The following SLC39A12 variants were observed in gnomAD, a reference collection of about 807,000 sequenced individuals.
SLC39A12 encodes the protein zinc transporter ZIP12.
In SLC39A12, 63 loss-of-function variants were observed where a neutral mutation model predicts 71.1. The ratio of observed to expected loss-of-function variants is 0.89; its 90% CI spans 0.72 to 1.09. The LOEUF is 1.09. SLC39A12 is among the 50% of genes least tolerant of loss of function. The pLI is 0.00. For missense variants in SLC39A12, 892 were observed against 812.6 expected (o/e 1.10, Z -1.19); for synonymous variants, 351 against 301.3 (o/e 1.16, Z -1.71).
chr10:18,003,399 GA>G, intron 12 of SLC39A12, 41 bp downstream of exon 12: 1 of 1,546,630 alleles, frequency 6.5e-7, no homozygotes, highest in Non-Finnish European at 8.7e-7. Flanking sequence ...TCTAAGCACT[GA>G]AAATGTAAAA....
At chr10:17,967,210 G>T (rs1031796580) in intron 4 of SLC39A12, among the ~76,000 whole-genome samples, 1 of 152,030 alleles carries the variant, frequency 6.6e-6, no homozygotes, top group African/African-American at 2.4e-5. Context: ...CATCTATCAC[G>T]CATTTCTATG....
chr10:18,003,494 T>C (rs1835894973), intron 12 of SLC39A12, 136 bp downstream of exon 12: 1 of 759,568 alleles, frequency 1.3e-6, no homozygotes, highest in African/African-American at 1.8e-5. Context: ...TAAGGAATAT[T>C]CTTTGTACTC....
chr10:18,035,967 A>G (rs1256507598), intron 12 of SLC39A12, among the ~76,000 whole-genome samples: 2 of 152,164 alleles, frequency 1.3e-5, no homozygotes, highest in Non-Finnish European at 2.9e-5. Context: ...CTCGGGGGTC[A>G]GGGGTCAGGG....
At chr10:17,958,940 A>G (rs1260426709) in intron 2 of SLC39A12, among the ~76,000 whole-genome samples, 9 of 152,160 alleles carry the variant, frequency 5.9e-5, no homozygotes, top group African/African-American at 2.2e-4. Flanking sequence ...TAAAAAATTC[A>G]TTACTTTATG....
At chr10:18,039,777 A>T (rs1183529217) in intron 12 of SLC39A12, among the ~76,000 whole-genome samples, 1 of 152,210 alleles carries the variant, frequency 6.6e-6, no homozygotes, top group Non-Finnish European at 1.5e-5. Flanking sequence ...TACCTTGTTA[A>T]TCCCTCAAGA....
chr10:17,961,883 A>G, intron 3 of SLC39A12, 21 bp downstream of exon 3: 1 of 1,602,900 alleles, frequency 6.2e-7, no homozygotes, highest in Non-Finnish European at 8.5e-7. Flanking sequence ...AAAATTGCTA[A>G]CTGGCTCTGC....
At chr10:18,017,964 T>A (rs1836430231) in intron 12 of SLC39A12, among the ~76,000 whole-genome samples, 1 of 152,198 alleles carries the variant, frequency 6.6e-6, no homozygotes, top group Non-Finnish European at 1.5e-5. Flanking sequence ...AATCTATACA[T>A]CAAATTGGAA....
intron 12 of SLC39A12, among the ~76,000 whole-genome samples, chr10:18,017,719 T>C (rs1391710443): frequency 1.3e-5 from 2 of 152,252 alleles, no homozygotes; most frequent in African/African-American, 4.8e-5. Context: ...TTCTGGACTC[T>C]GTTATATGCC....
At chr10:17,962,274 AT>A (rs1395969252) in intron 3 of SLC39A12, among the ~76,000 whole-genome samples, 1 of 152,190 alleles carries the variant, frequency 6.6e-6, no homozygotes, top group Non-Finnish European at 1.5e-5. Flanking sequence ...AAAGTGATAA[AT>A]TATCATTAGT....
At chr10:17,978,261 A>G (rs887849731) in intron 5 of SLC39A12, among the ~76,000 whole-genome samples, 187 bp downstream of exon 5, 1 of 152,224 alleles carries the variant, frequency 6.6e-6, no homozygotes, top group African/African-American at 2.4e-5. Flanking sequence ...AGACATAAAA[A>G]CAAAGCCAAG....
chr10:17,992,799 A>T (rs942965005), intron 8 of SLC39A12, among the ~76,000 whole-genome samples: 1 of 152,210 alleles, frequency 6.6e-6, no homozygotes, highest in African/African-American at 2.4e-5. Flanking sequence ...AAATAAAAGG[A>T]ATACGTATGT....
intron 6 of SLC39A12, 81 bp downstream of exon 6, chr10:17,981,564 T>C (rs1835260800): frequency 9.8e-6 from 11 of 1,126,370 alleles, no homozygotes; most frequent in South Asian, 1.8e-5. Context: ...ACTTACTATA[T>C]ACCAGGCTCT....
Position 17,952,791 on chromosome 10 carries a change from AC to A in SLC39A12, c.-86-399del, listed in dbSNP as rs546059312. On this transcript the variant is annotated intron_variant, in intron 1 of 12. Coordinates refer to ENST00000377369, the MANE Select transcript of SLC39A12 (RefSeq NM_001145195.2). ...TGTGAGCTACCGCGCCTGGCCTAAAACTTTTAAACTCAACATGATGTTGGTC... is the reference window on the plus strand; with the variant it reads ...TGTGAGCTACCGCGCCTGGCCTAAAATTTTAAACTCAACATGATGTTGGTC... Among the ~76,000 whole-genome samples, 427 of 152,188 alleles carry A rather than the reference AC, an allele frequency of 2.8e-3. 3 individuals carry two copies. The highest frequency in any genetic ancestry group is 1.0e-2 in the African/African-American group (414 of 41,526).
intron 3 of SLC39A12, among the ~76,000 whole-genome samples, chr10:17,964,539 G>A (rs1834773139): frequency 6.6e-6 from 1 of 152,192 alleles, no homozygotes; most frequent in South Asian, 2.1e-4. Context: ...GCACTCAAAT[G>A]TCTGAATGGG....
chr10:17,977,675 A>G (rs1337239070), intron 4 of SLC39A12, among the ~76,000 whole-genome samples: 1 of 152,232 alleles, frequency 6.6e-6, no homozygotes, highest in Non-Finnish European at 1.5e-5. Flanking sequence ...TAATTTCCTA[A>G]GGATTAGGCC....
chr10:17,964,839 G>C (rs1375325821), intron 3 of SLC39A12, among the ~76,000 whole-genome samples: 1 of 152,166 alleles, frequency 6.6e-6, no homozygotes, highest in African/African-American at 2.4e-5. Flanking sequence ...AAAGCGGGGA[G>C]AGAAACAACC....
intron 4 of SLC39A12, among the ~76,000 whole-genome samples, chr10:17,972,771 T>G (rs1835008087): frequency 6.6e-6 from 1 of 151,170 alleles, no homozygotes; most frequent in East Asian, 1.9e-4. Context: ...TCAATGGTCT[T>G]ATTTTTTTTT....
chr10:17,998,737 A>G (rs1013313027), intron 10 of SLC39A12, among the ~76,000 whole-genome samples: 71 of 152,308 alleles, frequency 4.7e-4, no homozygotes, highest in African/African-American at 1.7e-3. Context: ...AAATGGAGCT[A>G]TCTCCTAGAC....
intron 2 of SLC39A12, among the ~76,000 whole-genome samples, chr10:17,959,228 C>T (rs1432080350): frequency 1.3e-5 from 2 of 151,896 alleles, no homozygotes; most frequent in African/African-American, 4.8e-5. Context: ...GTGGACTTTT[C>T]TTCTGGGCTA....
Sources: gnomAD v4.1 joint callset for allele counts (sites outside exome capture counted in the v4.1 genomes callset) on GRCh38, gnomAD v4.1.1 for gene constraint, MANE v1.5 for transcripts, NCBI Gene and HGNC (gene_info 2026-07-23, HGNC 2026-07-21) for gene names.